PGM2L1: variants seen among roughly 807,000 people sequenced by gnomAD.
PGM2L1 encodes the protein glucose 1,6-bisphosphate synthase.
Under a neutral mutation model 73.4 loss-of-function variants are expected in PGM2L1, and 35 were observed. That is an observed-to-expected ratio of 0.48 (90% CI 0.36 to 0.63). PGM2L1 has a LOEUF of 0.63. PGM2L1 is among the 30% of genes least tolerant of loss of function. The pLI, the probability that PGM2L1 is intolerant of heterozygous loss-of-function variation, is 0.00. For synonymous variants in PGM2L1, 225 were observed against 253.8 expected (o/e 0.89, Z 1.08); for missense variants, 570 against 742.0 (o/e 0.77, Z 2.69).
chr11:74,355,416 T>G (rs1280787980), intron 5 of PGM2L1: 2 of 519,232 alleles, frequency 3.9e-6, no homozygotes, highest in Non-Finnish European at 3.5e-6. Context: ...TAGCCGGGCG[T>G]GGTAGCGGTC....
intron 1 of PGM2L1, among the ~76,000 whole-genome samples, chr11:74,396,405 CT>C (rs1199452734): frequency 1.3e-5 from 2 of 151,062 alleles, no homozygotes; most frequent in African/African-American, 2.4e-5. Context: ...AAAATTCATT[CT>C]TTTTTTTTCT....
chr11:74,365,056 T>C (rs1862633688), intron 5 of PGM2L1, among the ~76,000 whole-genome samples: 1 of 150,648 alleles, frequency 6.6e-6, no homozygotes, highest in African/African-American at 2.4e-5. Context: ...TCAGAAATAA[T>C]ACCACACATC....
intron 5 of PGM2L1, among the ~76,000 whole-genome samples, chr11:74,356,031 G>C (rs1862448845): frequency 6.6e-6 from 1 of 151,448 alleles, no homozygotes; most frequent in Non-Finnish European, 1.5e-5. Flanking sequence ...GTAATAGTCT[G>C]ATCATGATGC....
In PGM2L1 at chr11:74,376,459, ATATATATAGTATG is replaced by A. The variant is rs898150903; in HGVS notation, c.112-1890_112-1878del. Reference sequence around the variant, plus strand: ...TATAACAAGTATAGTGTGTGTGTATATATATATAGTATGTATATATAGTATAATGTGTATATAG... The same window carrying A: ...TATAACAAGTATAGTGTGTGTGTATATATATATAGTATAATGTGTATATAG... On this transcript the variant is annotated intron_variant, in intron 1 of 13. Transcript: ENST00000298198. 3.5e-3 allele frequency among the ~76,000 whole-genome samples: 532 copies of A among 151,366 alleles called. 4 individuals carry two copies. Among genetic ancestry groups the A allele is most frequent in the African/African-American group, 0.012 (502 of 41,328 alleles).
At chr11:74,361,560 C>T (rs140743644) in intron 5 of PGM2L1, among the ~76,000 whole-genome samples, 6 of 152,100 alleles carry the variant, frequency 3.9e-5, no homozygotes, top group Non-Finnish European at 7.3e-5. Flanking sequence ...ATGACTTTGA[C>T]GAGTTGAGAG....
At chr11:74,343,498 C>A (rs1163507967) in intron 9 of PGM2L1, 82 bp from the exon 10 acceptor site, 9 of 1,544,848 alleles carry the variant, frequency 5.8e-6, no homozygotes, top group Non-Finnish European at 7.8e-6. Flanking sequence ...TACATGCACA[C>A]AACGTTCATA....
intron 1 of PGM2L1, among the ~76,000 whole-genome samples, chr11:74,396,006 C>T (rs374909751): frequency 2.0e-5 from 3 of 151,842 alleles, no homozygotes; most frequent in Non-Finnish European, 2.9e-5. Flanking sequence ...AATCCCAACA[C>T]TTTGGGAGGC....
rs1261327584 is a variant in PGM2L1, at chr11:74,330,660, A to T, written c.*5992T>A. ...TGCTTGAGTGGCTCTTGTAAGATAC[A>T]TGATGAATCATAACAGTGGACAAAA... is the stretch of plus-strand genomic sequence containing the variant. On this transcript the variant is annotated 3_prime_UTR_variant, in exon 14 of 14. Transcript: ENST00000298198. 1 of 152,652 alleles carries T rather than the reference A, an allele frequency of 6.6e-6. No individual in the cohort carries two copies. Among genetic ancestry groups the T allele is most frequent in the Non-Finnish European group, 1.5e-5 (1 of 68,040 alleles). 9.5% of individuals were successfully genotyped at this position (152,652 alleles called of 1,614,324 possible).
intron 9 of PGM2L1, 104 bp downstream of exon 9, chr11:74,345,365 G>A (rs937800545): frequency 9.2e-7 from 1 of 1,088,612 alleles, no homozygotes; most frequent in Non-Finnish European, 1.3e-6. Context: ...GAAAAATAAG[G>A]GAATTACAAA....
At chr11:74,356,217 C>T (rs1313023516) in intron 5 of PGM2L1, among the ~76,000 whole-genome samples, 4 of 151,930 alleles carry the variant, frequency 2.6e-5, no homozygotes, top group East Asian at 1.9e-4. Context: ...TCAGAAACCT[C>T]GGTGTAGCTG....
At position 74,330,391 on chromosome 11, in the gene PGM2L1, A is replaced by G. The variant is rs774310067; in HGVS notation, c.*6261T>C. ...ACAAGAAATCCACACACAAATACATAAAGTGCAAATTCTCACAGGCAGTAC... is the reference window on the plus strand; with the variant it reads ...ACAAGAAATCCACACACAAATACATGAAGTGCAAATTCTCACAGGCAGTAC... On this transcript the variant is annotated 3_prime_UTR_variant, in exon 14 of 14. Coordinates refer to ENST00000298198, the MANE Select transcript of PGM2L1 (RefSeq NM_173582.6). The G allele has an allele frequency of 6.5e-6, 1 of 152,684 alleles. No individual in the cohort carries two copies. The highest frequency in any genetic ancestry group is 1.5e-5 in the Non-Finnish European group (1 of 68,038). The allele number at this position is 152,684 out of a possible 1,614,324, so 9.5% of individuals were successfully genotyped here. A position where few individuals can be genotyped will look rare whatever the true frequency, so the allele number is the denominator to read the frequency against.
intron 1 of PGM2L1, among the ~76,000 whole-genome samples, chr11:74,377,473 T>A (rs916948566): frequency 1.3e-5 from 2 of 152,186 alleles, no homozygotes; most frequent in African/African-American, 4.8e-5. Context: ...AGAACTCAGG[T>A]ATAGTAAATG....
Position 74,338,512 on chromosome 11 carries a change from T to C in PGM2L1, c.1722A>G (p.Pro574=). ...VATLRTSGTE[P]KIKYYAEMCA... is the part of the protein sequence containing the mutation. ...ACATCTCTGCATAATACTTTATCTTTGGTTCTGTTCCACTTGTCCGAAGGG... is the reference window on the plus strand; with the variant it reads ...ACATCTCTGCATAATACTTTATCTTCGGTTCTGTTCCACTTGTCCGAAGGG... Residue 574 remains proline (P), a synonymous_variant, in exon 13 of 14, where the codon CCA becomes CCG. Coordinates refer to ENST00000298198, the MANE Select transcript of PGM2L1 (RefSeq NM_173582.6). 6.2e-7 allele frequency: 1 copy of C among 1,605,708 alleles called. No individual in the cohort carries two copies. The highest frequency in any genetic ancestry group is 1.3e-5 in the African/African-American group (1 of 75,014).
intron 6 of PGM2L1, among the ~76,000 whole-genome samples, chr11:74,347,777 C>G (rs183933382): frequency 2.6e-5 from 4 of 152,284 alleles, no homozygotes; most frequent in African/African-American, 9.6e-5. Flanking sequence ...CTCCAATACC[C>G]CAAATCTTGT....
intron 6 of PGM2L1, among the ~76,000 whole-genome samples, chr11:74,348,884 C>A (rs1033016758): frequency 1.3e-5 from 2 of 152,162 alleles, no homozygotes; most frequent in African/African-American, 4.8e-5. Context: ...ATTCTTTGGG[C>A]AAGAATAGGT....
At chr11:74,353,141 A>G (rs552552930) in intron 5 of PGM2L1, among the ~76,000 whole-genome samples, 2 of 150,744 alleles carry the variant, frequency 1.3e-5, no homozygotes, top group South Asian at 4.3e-4. Flanking sequence ...TTGAGGTTCT[A>G]GCAGAATTTT....
Position 74,386,264 on chromosome 11 carries a change from T to A in PGM2L1, c.112-11682A>T, listed in dbSNP as rs115562353. On this transcript the variant is annotated intron_variant, in intron 1 of 13. Coordinates refer to ENST00000298198, the MANE Select transcript of PGM2L1 (RefSeq NM_173582.6). ...AGGAAATACAGCTATCTTTTAAGTA[T>A]ATGAAAATATACAACCTCACTTATA... Among the ~76,000 whole-genome samples, 218 of 152,180 alleles carry A rather than the reference T, an allele frequency of 1.4e-3. 1 individual carries two copies. Among genetic ancestry groups the A allele is most frequent in the African/African-American group, 5.0e-3 (207 of 41,530 alleles).
At chr11:74,376,291 T>C (rs1745609646) in intron 1 of PGM2L1, among the ~76,000 whole-genome samples, 1 of 152,130 alleles carries the variant, frequency 6.6e-6, no homozygotes, top group Admixed American at 6.6e-5. Context: ...ATTGGAAATT[T>C]AGACAGGATG....
chr11:74,346,888 T>C (rs1862275548), intron 7 of PGM2L1, 59 bp from the exon 8 acceptor site: 3 of 1,278,932 alleles, frequency 2.3e-6, no homozygotes, highest in South Asian at 2.4e-5. Flanking sequence ...AATGTTAACG[T>C]TCCTGTATGT....
Sources: gnomAD v4.1 joint callset for allele counts (sites outside exome capture counted in the v4.1 genomes callset) on GRCh38, gnomAD v4.1.1 for gene constraint, MANE v1.5 for transcripts, NCBI Gene and HGNC (gene_info 2026-07-23, HGNC 2026-07-21) for gene names.